The following LDB2 variants were observed in gnomAD, a reference collection of about 807,000 sequenced individuals.
The protein encoded by LDB2 is LIM domain binding 2.
LDB2 carries 12 observed loss-of-function variants against 44.3 expected under a neutral mutation model. The observed-to-expected ratio is 0.27, with a 90% CI of 0.17 to 0.44. The LOEUF is 0.44. LDB2 is among the 20% of genes least tolerant of loss of function. The pLI, the probability that LDB2 is intolerant of heterozygous loss-of-function variation, is 1.00. For missense variants in LDB2, 344 were observed against 473.5 expected (o/e 0.73, Z 2.54); for synonymous variants, 164 against 174.8 (o/e 0.94, Z 0.49).
intron 2 of LDB2, among the ~76,000 whole-genome samples, chr4:16,656,322 G>C (rs374960397): frequency 6.6e-6 from 1 of 152,202 alleles, no homozygotes; most frequent in Non-Finnish European, 1.5e-5. Context: ...GTACCACAGA[G>C]TAGAAAAGCA....
intron 2 of LDB2, among the ~76,000 whole-genome samples, chr4:16,747,394 A>C (rs1360754209): frequency 6.6e-6 from 1 of 152,252 alleles, no homozygotes; most frequent in African/African-American, 2.4e-5. Flanking sequence ...GTTTATTTAC[A>C]TAATCAGTGA....
At chr4:16,578,231 G>T (rs1712622326) in intron 5 of LDB2, among the ~76,000 whole-genome samples, 1 of 152,074 alleles carries the variant, frequency 6.6e-6, no homozygotes. Flanking sequence ...AAAACTTTCT[G>T]CACAGCAAAG....
intron 1 of LDB2, among the ~76,000 whole-genome samples, chr4:16,888,971 C>A (rs1374815449): frequency 6.6e-6 from 1 of 151,910 alleles, no homozygotes; most frequent in Non-Finnish European, 1.5e-5. Context: ...TGTTTTCATT[C>A]CAGAAGAAAA....
chr4:16,545,829 T>C (rs1161725363), intron 5 of LDB2, among the ~76,000 whole-genome samples: 1 of 152,228 alleles, frequency 6.6e-6, no homozygotes, highest in African/African-American at 2.4e-5. Context: ...ATGGTACTTT[T>C]CACATTTCTA....
At chr4:16,506,871 A>G (rs1264219785) in intron 7 of LDB2, 1 of 152,202 alleles carries the variant, frequency 6.6e-6, no homozygotes, top group Non-Finnish European at 1.5e-5. Flanking sequence ...TTAAGTAGCT[A>G]TATCACCGTT....
At chr4:16,887,464 T>C (rs932466747) in intron 1 of LDB2, among the ~76,000 whole-genome samples, 3 of 152,294 alleles carry the variant, frequency 2.0e-5, no homozygotes, top group Admixed American at 6.5e-5. Context: ...ACTGTTTAAG[T>C]TTAATTTCAA....
rs563651537 is a variant in LDB2 at position 16,677,520 on chromosome 4, A to G, written c.235+81638T>C. On this transcript the variant is annotated intron_variant, in intron 2 of 7. Transcript: ENST00000304523. ...CTGGATTACAATCCACATCCCCCAC[A>G]TTCAGAGCTTCAACCTAGCAGCATT... Among the ~76,000 whole-genome samples the G allele has an allele frequency of 2.0e-5, 3 of 152,310 alleles. No individual in the cohort carries two copies. The South Asian group carries it at 6.2e-4, about 32-fold the overall frequency.
At chr4:16,851,856 A>G (rs1788321333) in intron 1 of LDB2, among the ~76,000 whole-genome samples, 1 of 152,248 alleles carries the variant, frequency 6.6e-6, no homozygotes, top group African/African-American at 2.4e-5. Context: ...AGAGAGGATC[A>G]AAGTAAGGTA....
chr4:16,616,183 T>A lies in LDB2; in HGVS notation c.236-20308A>T, dbSNP rs1298053186. On this transcript the variant is annotated intron_variant, in intron 2 of 7. Coordinates refer to ENST00000304523, the MANE Select transcript of LDB2 (RefSeq NM_001290.5). ...AAAGGGAAGAACCATGTCTTTTTGT[T>A]ACTGGTTATTCTCTCAGAATGCGTA... 2.0e-5 allele frequency among the ~76,000 whole-genome samples: 3 copies of A among 152,210 alleles called. No individual in the cohort carries two copies. In the East Asian group the frequency reaches 5.8e-4, roughly 29 times the overall value.
At chr4:16,847,071 T>C (rs1198584156) in intron 1 of LDB2, among the ~76,000 whole-genome samples, 1 of 152,124 alleles carries the variant, frequency 6.6e-6, no homozygotes, top group Non-Finnish European at 1.5e-5. Flanking sequence ...ACCCCAAAAT[T>C]TGAATAGTTG....
intron 5 of LDB2, among the ~76,000 whole-genome samples, chr4:16,535,898 G>A (rs968726035): frequency 3.3e-5 from 5 of 152,170 alleles, no homozygotes; most frequent in Admixed American, 6.5e-5. Flanking sequence ...TTGAACTTGT[G>A]TAAAAGGAAT....
intron 5 of LDB2, among the ~76,000 whole-genome samples, chr4:16,558,677 A>C (rs1740778091): frequency 6.6e-6 from 1 of 152,182 alleles, no homozygotes; most frequent in Non-Finnish European, 1.5e-5. Context: ...CTAGCAAGGC[A>C]GGCCAACATT....
intron 2 of LDB2, among the ~76,000 whole-genome samples, chr4:16,614,525 C>T (rs1427906085): frequency 1.6e-5 from 2 of 128,934 alleles, no homozygotes; most frequent in Non-Finnish European, 3.2e-5. Context: ...ATCCCTCTGA[C>T]AAAGGTCTAA....
chr4:16,856,405 G>A (rs1025396290), intron 1 of LDB2, among the ~76,000 whole-genome samples: 1 of 152,116 alleles, frequency 6.6e-6, no homozygotes, highest in Non-Finnish European at 1.5e-5. Flanking sequence ...GAATCCTAAA[G>A]GGAATGTAAA....
chr4:16,895,468 C>T (rs1724698662), intron 1 of LDB2, among the ~76,000 whole-genome samples: 3 of 151,974 alleles, frequency 2.0e-5, no homozygotes, highest in East Asian at 1.9e-4. Flanking sequence ...TACTGATTTG[C>T]TATATATTGT....
chr4:16,680,801 C>T (rs915265554), intron 2 of LDB2, among the ~76,000 whole-genome samples: 4 of 152,202 alleles, frequency 2.6e-5, no homozygotes, highest in Non-Finnish European at 5.9e-5. Flanking sequence ...AAACAACAAA[C>T]AAGAACCCTC....
chr4:16,850,947 A>AGTGTGCGTGT (rs1554048718), intron 1 of LDB2, among the ~76,000 whole-genome samples: 4 of 143,072 alleles, frequency 2.8e-5, no homozygotes, highest in Admixed American at 1.4e-4. Flanking sequence ...TAAAACCATA[A>AGTGTGCGTGT]GTGTGTGTGT....
chr4:16,769,487 G>T (rs755068822), intron 1 of LDB2, among the ~76,000 whole-genome samples: 14 of 151,794 alleles, frequency 9.2e-5, no homozygotes, highest in Non-Finnish European at 1.8e-4. Flanking sequence ...AGTAGAAACG[G>T]GTTTCACCAT....
intron 7 of LDB2, among the ~76,000 whole-genome samples, chr4:16,505,209 A>G (rs1325358569): frequency 6.6e-6 from 1 of 152,194 alleles, no homozygotes; most frequent in East Asian, 1.9e-4. Flanking sequence ...TGTTCGGTGA[A>G]TCTTTGTTCT....
Sources: gnomAD v4.1 joint callset for allele counts (sites outside exome capture counted in the v4.1 genomes callset) on GRCh38, gnomAD v4.1.1 for gene constraint, MANE v1.5 for transcripts, NCBI Gene and HGNC (gene_info 2026-07-23, HGNC 2026-07-21) for gene names.